Variants in PEX5L observed in about 807,000 individuals in gnomAD.
PEX5L encodes PEX5-related protein.
In PEX5L, 30 loss-of-function variants were observed where a neutral mutation model predicts 84.0. That is an observed-to-expected ratio of 0.36 (90% CI 0.27 to 0.48). PEX5L has a LOEUF of 0.48. PEX5L is among the 20% of genes least tolerant of loss of function. The pLI is 0.99. For synonymous variants in PEX5L, 270 were observed against 283.1 expected (o/e 0.95, Z 0.46); for missense variants, 533 against 754.6 (o/e 0.71, Z 3.44).
chr3:179,971,605 C>T lies in PEX5L; in HGVS notation c.82G>A (p.Asp28Asn), dbSNP rs1399025966. ...AAGTATTCACTTACCTGCTTTTGAT[C>T]AACAATTATTTCGAGGTCTTCATCA... is the stretch of plus-strand genomic sequence containing the variant. The part of the protein sequence containing the change: ...SSDEDLEIIV[D>N]QKQGKGSRAA... Residue 28 changes from aspartate (D) to asparagine (N), a missense_variant, in exon 2 of 15, where the codon GAT (aspartate) becomes AAT (asparagine). Asp to Asn is a conservative substitution (Grantham distance 23). This residue lies in a region of PEX5L where 259 missense variants were observed against 301.7 expected (regional missense o/e 0.86). Transcript: ENST00000467460. 1.2e-6 allele frequency: 2 copies of T among 1,606,754 alleles called. No homozygotes were observed. The highest frequency in any genetic ancestry group is 8.5e-7 in the Non-Finnish European group (1 of 1,176,796).
At chr3:179,949,543 A>T (rs1778519518) in intron 2 of PEX5L, among the ~76,000 whole-genome samples, 1 of 152,216 alleles carries the variant, frequency 6.6e-6, no homozygotes, top group Non-Finnish European at 1.5e-5. Flanking sequence ...TATATAAAAC[A>T]TCTGGTAGGA....
intron 2 of PEX5L, among the ~76,000 whole-genome samples, chr3:179,921,323 A>G (rs1769310240): frequency 1.3e-5 from 2 of 152,184 alleles, no homozygotes; most frequent in Non-Finnish European, 2.9e-5. Flanking sequence ...GTCACACTAG[A>G]GCACAATACA....
chr3:179,811,172 G>A (rs969139565), intron 11 of PEX5L, among the ~76,000 whole-genome samples: 5 of 151,768 alleles, frequency 3.3e-5, no homozygotes, highest in African/African-American at 1.2e-4. Flanking sequence ...CATACATTAT[G>A]TATGTACATT....
At chr3:179,870,962 T>C (rs1437446832) in intron 7 of PEX5L, among the ~76,000 whole-genome samples, 1 of 152,214 alleles carries the variant, frequency 6.6e-6, no homozygotes. Flanking sequence ...CCATTTTCTT[T>C]GTGATTCTGA....
At chr3:179,979,822 T>C (rs1786149450) in intron 1 of PEX5L, among the ~76,000 whole-genome samples, 1 of 152,252 alleles carries the variant, frequency 6.6e-6, no homozygotes, top group Non-Finnish European at 1.5e-5. Flanking sequence ...GCATTGGCCC[T>C]ATTAGATGGG....
At chr3:179,968,894 T>C (rs1784062401) in intron 2 of PEX5L, among the ~76,000 whole-genome samples, 1 of 152,126 alleles carries the variant, frequency 6.6e-6, no homozygotes, top group African/African-American at 2.4e-5. Flanking sequence ...ACCTTACACA[T>C]TTCCGAAATA....
At chr3:179,895,600 C>T (rs573743452) in intron 3 of PEX5L, 1 of 152,208 alleles carries the variant, frequency 6.6e-6, no homozygotes, top group African/African-American at 2.4e-5. Context: ...TTCAGGTCAC[C>T]TGGCCAACAC....
intron 1 of PEX5L, among the ~76,000 whole-genome samples, chr3:180,034,545 C>T (rs1381890990): frequency 6.6e-6 from 1 of 152,090 alleles, no homozygotes; most frequent in African/African-American, 2.4e-5. Context: ...TATTATGAAT[C>T]AATCTGTCAT....
chr3:179,855,786 C>T (rs1743700422), intron 8 of PEX5L, among the ~76,000 whole-genome samples: 1 of 152,120 alleles, frequency 6.6e-6, no homozygotes. Flanking sequence ...ATGTGAGGAC[C>T]CAGCAAGAAG....
chr3:179,929,086 G>C (rs1387391381), intron 2 of PEX5L, among the ~76,000 whole-genome samples: 1 of 152,116 alleles, frequency 6.6e-6, no homozygotes, highest in Non-Finnish European at 1.5e-5. Flanking sequence ...ATTCCATCAA[G>C]TCTCAATAAT....
chr3:180,024,373 T>TATATATATATATACAC (rs1396023654), intron 1 of PEX5L, among the ~76,000 whole-genome samples: 1 of 79,026 alleles, frequency 1.3e-5, no homozygotes, highest in African/African-American at 9.6e-5. Context: ...TATATATATA[T>TATATATATATATACAC]ACACACACAA....
intron 8 of PEX5L, among the ~76,000 whole-genome samples, chr3:179,829,869 C>T (rs942205048): frequency 2.0e-5 from 3 of 149,950 alleles, no homozygotes; most frequent in Non-Finnish European, 3.0e-5. Context: ...CTCCACCTCC[C>T]GGGTTCAGGC....
At chr3:179,933,446 T>TC (rs1028772512) in intron 2 of PEX5L, among the ~76,000 whole-genome samples, 2 of 8,298 alleles carry the variant, frequency 2.4e-4, no homozygotes, top group Non-Finnish European at 5.8e-4. Context: ...TACAATTCTC[T>TC]TTTTTTTTTG....
chr3:179,810,580 G>A (rs576231020), intron 11 of PEX5L, among the ~76,000 whole-genome samples: 3 of 152,134 alleles, frequency 2.0e-5, no homozygotes, highest in Non-Finnish European at 4.4e-5. Context: ...AGGTCTACTG[G>A]GGTGGGCCTG....
rs570885340 is a variant in PEX5L, at chr3:179,987,782, T to C, written c.22-16117A>G. Among the ~76,000 whole-genome samples, 3 of 152,320 alleles carry C rather than the reference T, an allele frequency of 2.0e-5. No homozygotes were observed. In the East Asian group the frequency reaches 5.8e-4, roughly 29 times the overall value. ...AAGTCCACCTCTTTGTTAAATCTTC[T>C]TTTAACACAGACTGGATTTTTTATA... On this transcript the variant is annotated intron_variant, in intron 1 of 14. Transcript: ENST00000467460.
At chr3:179,814,927 C>T (rs978101758) in intron 10 of PEX5L, among the ~76,000 whole-genome samples, 2 of 152,104 alleles carry the variant, frequency 1.3e-5, no homozygotes, top group African/African-American at 2.4e-5. Flanking sequence ...ACCCACATAG[C>T]GCTCTCTTGT....
intron 1 of PEX5L, among the ~76,000 whole-genome samples, chr3:180,004,128 T>G (rs1788661479): frequency 6.6e-6 from 1 of 152,176 alleles, no homozygotes; most frequent in East Asian, 1.9e-4. Flanking sequence ...TACAAATTTA[T>G]TTTTTGCCGT....
At chr3:179,968,085 T>C (rs1360755363) in intron 2 of PEX5L, among the ~76,000 whole-genome samples, 2 of 152,162 alleles carry the variant, frequency 1.3e-5, no homozygotes, top group Admixed American at 1.3e-4. Context: ...CAACATGCTG[T>C]TAAACCCATT....
chr3:179,918,532 T>A (rs1214062931), intron 2 of PEX5L, among the ~76,000 whole-genome samples: 1 of 152,176 alleles, frequency 6.6e-6, no homozygotes, highest in Non-Finnish European at 1.5e-5. Flanking sequence ...AAACTCCCTT[T>A]CTACCTCCCT....
Sources: gnomAD v4.1 joint callset for allele counts (sites outside exome capture counted in the v4.1 genomes callset) on GRCh38, gnomAD v4.1.1 for gene constraint, gnomAD v4.1.1 regional missense constraint, MANE v1.5 for transcripts, NCBI Gene and HGNC (gene_info 2026-07-23, HGNC 2026-07-21) for gene names.